ST7L: variants seen among roughly 807,000 people sequenced by gnomAD.
ST7L encodes the protein suppressor of tumorigenicity 7 protein-like.
In ST7L, 57 loss-of-function variants were observed where a neutral mutation model predicts 72.5. The ratio of observed to expected loss-of-function variants is 0.79; its 90% CI spans 0.64 to 0.98. The LOEUF is 0.98. Among genes scored for constraint, ST7L ranks in the 50% least tolerant of loss-of-function variants. ST7L has a pLI of 0.00. For missense variants in ST7L, 576 were observed against 672.2 expected (o/e 0.86, Z 1.58); for synonymous variants, 221 against 240.9 (o/e 0.92, Z 0.77).
At chr1:112,583,930 CA>C (rs1433827384) in intron 7 of ST7L, 41 bp downstream of exon 7, 1 of 1,570,460 alleles carries the variant, frequency 6.4e-7, no homozygotes. Flanking sequence ...AAGCAAATTA[CA>C]GATGCTAAAA....
At position 112,525,901 on chromosome 1, in the gene ST7L, G is replaced by C; in HGVS notation, c.*112C>G. The stretch of plus-strand genomic sequence containing the variant: ...GCTTTTTCATATGCAAAATGCTTTA[G>C]CATATATGTAATCCTCACAACAACC... On this transcript the variant is annotated 3_prime_UTR_variant, in exon 15 of 15. Coordinates refer to ENST00000358039, the MANE Select transcript of ST7L (RefSeq NM_017744.5). 7.0e-7 allele frequency: 1 copy of C among 1,430,774 alleles called. No individual in the cohort carries two copies. The highest frequency in any genetic ancestry group is 9.4e-7 in the Non-Finnish European group (1 of 1,065,230). 88.6% of individuals were successfully genotyped at this position (1,430,774 alleles called of 1,614,324 possible).
In ST7L at chr1:112,525,879, T is replaced by G; in HGVS notation, c.*134A>C. 1.6e-6 allele frequency: 2 copies of G among 1,272,906 alleles called. No individual in the cohort carries two copies. Among genetic ancestry groups the G allele is most frequent in the Non-Finnish European group, 2.1e-6 (2 of 953,716 alleles). 78.9% of individuals were successfully genotyped at this position (1,272,906 alleles called of 1,614,324 possible). ...GGAATAACAATATTCATAAGAAGCT[T>G]TTTCATATGCAAAATGCTTTAGCAT... is the stretch of plus-strand genomic sequence containing the variant. On this transcript the variant is annotated 3_prime_UTR_variant, in exon 15 of 15. Coordinates refer to ENST00000358039, the MANE Select transcript of ST7L (RefSeq NM_017744.5).
At chr1:112,533,364 G>A (rs778561130) in intron 14 of ST7L, among the ~76,000 whole-genome samples, 2 of 152,018 alleles carry the variant, frequency 1.3e-5, no homozygotes, top group Non-Finnish European at 2.9e-5. Flanking sequence ...CTGTTGCCAG[G>A]CTGGAGTGCA....
intron 14 of ST7L, among the ~76,000 whole-genome samples, chr1:112,539,440 G>C (rs1372535797): frequency 6.6e-6 from 1 of 152,158 alleles, no homozygotes; most frequent in Non-Finnish European, 1.5e-5. Flanking sequence ...TTGATCACTT[G>C]AGGTCAGAAG....
At chr1:112,520,248 T>C (rs1488878431), downstream of ST7L, 7 of 1,595,010 alleles carry the variant, frequency 4.4e-6, no homozygotes, top group Non-Finnish European at 1.7e-6. Context: ...AAGAGATAAC[T>C]TTGTTCTCAC....
intron 14 of ST7L, among the ~76,000 whole-genome samples, chr1:112,538,612 T>C (rs1261795614): frequency 6.6e-6 from 1 of 152,228 alleles, no homozygotes. Context: ...CCCAAAGTGC[T>C]GGGATTACAA....
chr1:112,611,507 C>T (rs1669060065), intron 2 of ST7L, among the ~76,000 whole-genome samples: 1 of 152,134 alleles, frequency 6.6e-6, no homozygotes, highest in African/African-American at 2.4e-5. Flanking sequence ...TAAGAAAGTG[C>T]TTTCTGAAGC....
chr1:112,601,128 C>T (rs571524473), intron 3 of ST7L, among the ~76,000 whole-genome samples: 1 of 152,300 alleles, frequency 6.6e-6, no homozygotes, highest in African/African-American at 2.4e-5. Context: ...TTTAAAACTT[C>T]GCTCATTTTT....
At chr1:112,535,509 T>G (rs1314204306) in intron 14 of ST7L, among the ~76,000 whole-genome samples, 6 of 152,018 alleles carry the variant, frequency 3.9e-5, no homozygotes, top group Non-Finnish European at 8.8e-5. Context: ...GTGGACAGAT[T>G]GCTTGAGCTC....
intron 6 of ST7L, among the ~76,000 whole-genome samples, chr1:112,589,638 G>A (rs968679280): frequency 2.6e-5 from 4 of 152,088 alleles, no homozygotes; most frequent in African/African-American, 9.7e-5. Context: ...TTTTAGCCTC[G>A]TGGTCAGTTG....
Position 112,578,417 on chromosome 1 carries a change from T to A in ST7L, c.1070A>T (p.Asp357Val), listed in dbSNP as rs976876006. The A allele has an allele frequency of 1.9e-6, 3 of 1,613,728 alleles. No homozygotes were observed. The African/African-American group carries it at 4.0e-5, about 22-fold the overall frequency. The change falls in exon 10 of 15, where the codon GAT (aspartate) becomes GTT (valine). Residue 357 changes from aspartate (D) to valine (V), a missense_variant and splice_region_variant. Asp to Val is a radical substitution (Grantham distance 152). Transcript: ENST00000358039. ...TGCTGCTGACTTTGGAAGGCTTATA[T>A]CTGTAACGATAATTTTCAATTTAGG... ...DVQAVLAKYD[D>V]ISLPKSAAIC...
chr1:112,595,209 T>C (rs531760249), intron 5 of ST7L, among the ~76,000 whole-genome samples: 1 of 151,568 alleles, frequency 6.6e-6, no homozygotes. Flanking sequence ...CTACTAAAAA[T>C]ACAAAATTAG....
intron 13 of ST7L, among the ~76,000 whole-genome samples, chr1:112,543,169 T>C (rs528144027): frequency 3.7e-4 from 56 of 152,226 alleles, no homozygotes; most frequent in Non-Finnish European, 6.6e-4. Context: ...AGACATGTCA[T>C]TGGTGATTTC....
chr1:112,598,263 A>G (rs1666777720), intron 4 of ST7L, among the ~76,000 whole-genome samples, 177 bp from the exon 5 acceptor site: 1 of 152,208 alleles, frequency 6.6e-6, no homozygotes, highest in African/African-American at 2.4e-5. Context: ...ATAAAACATC[A>G]AAGACCAAAT....
At chr1:112,536,045 A>T (rs1655156940) in intron 14 of ST7L, among the ~76,000 whole-genome samples, 1 of 152,190 alleles carries the variant, frequency 6.6e-6, no homozygotes, top group African/African-American at 2.4e-5. Flanking sequence ...CTGTCACACA[A>T]TAGGTTTATT....
At chr1:112,538,739 T>C (rs1029106553) in intron 14 of ST7L, among the ~76,000 whole-genome samples, 1 of 152,182 alleles carries the variant, frequency 6.6e-6, no homozygotes, top group African/African-American at 2.4e-5. Context: ...AGGACATATC[T>C]CCTTTAAACA....
At chr1:112,529,732 C>T (rs1016298605) in intron 14 of ST7L, 1 of 146,686 alleles carries the variant, frequency 6.8e-6, no homozygotes, top group South Asian at 2.2e-4. Flanking sequence ...ACTCTCAATG[C>T]CATCCAAAAG....
chr1:112,556,865 G>A (rs1659197376), intron 11 of ST7L, among the ~76,000 whole-genome samples: 1 of 150,568 alleles, frequency 6.6e-6, no homozygotes, highest in South Asian at 2.1e-4. Context: ...CTACTCAAGA[G>A]GCTGAGGCAG....
rs148939308 is a variant in ST7L, at chr1:112,597,972, T to C, written c.621A>G (p.Thr207=). 1.7e-5 allele frequency: 27 copies of C among 1,610,504 alleles called. No homozygotes were observed. The highest frequency in any genetic ancestry group is 2.3e-5 in the Non-Finnish European group (27 of 1,177,538). ...CDTDFLRPSD[T]VMQKAWRERN... is the part of the protein sequence containing the mutation. ...ACTATGAACAGATATGATACATACC[T>C]GTGTCTGAAGGACGTAAAAAATCTG... Residue 207 remains threonine, a splice_region_variant and synonymous_variant, in exon 5 of 15, where the codon ACA becomes ACG. Coordinates refer to ENST00000358039, the MANE Select transcript of ST7L (RefSeq NM_017744.5).
Sources: gnomAD v4.1 joint callset for allele counts (sites outside exome capture counted in the v4.1 genomes callset) on GRCh38, gnomAD v4.1.1 for gene constraint, MANE v1.5 for transcripts, NCBI Gene and HGNC (gene_info 2026-07-23, HGNC 2026-07-21) for gene names.